MTCL1: variants seen among roughly 807,000 people sequenced by gnomAD.
The protein encoded by MTCL1 is microtubule cross-linking factor 1.
Under a neutral mutation model 141.4 loss-of-function variants are expected in MTCL1, and 79 were observed. The observed-to-expected ratio is 0.56, with a 90% CI of 0.47 to 0.67. The LOEUF (loss-of-function observed/expected upper bound fraction) is 0.67. Ranked by LOEUF, MTCL1 falls within the 30% of genes least tolerant of loss-of-function variation. The pLI is 0.00. For synonymous variants in MTCL1, 914 were observed against 875.8 expected, an observed-to-expected ratio of 1.04 and a Z score of -0.77; for missense variants, 2,177 against 2,113.9, an observed-to-expected ratio of 1.03 and a Z score of -0.59.
chr18:8,784,106 G>T, exon 6 of MTCL1: 1 of 1,613,342 alleles, frequency 6.2e-7, no homozygotes, highest in Non-Finnish European at 8.5e-7. Context: ...CGGGGGTGGG[G>T]CCCCCCTGCA....
Position 8,793,062 on chromosome 18 carries a change from T to TGCAC in MTCL1, c.1955_1956insCGCA (p.Gln652HisfsTer20). 6.2e-7 allele frequency: 1 copy of TGCAC among 1,614,166 alleles called. No homozygotes were observed. The highest frequency in any genetic ancestry group is 1.1e-5 in the South Asian group (1 of 91,076). On this transcript the variant is annotated frameshift_variant, in exon 8 of 17. Transcript: ENST00000359865. LOFTEE classifies it high-confidence loss of function. ...ATAGAGGAGCTACAGGGTCAGCTCG[T>TGCAC]GCAGGCGGCCAGACTGCATCAAGAG...
intron 4 of MTCL1, among the ~76,000 whole-genome samples, chr18:8,769,177 T>C (rs1053137455): frequency 2.6e-5 from 4 of 152,328 alleles, no homozygotes; most frequent in Admixed American, 2.0e-4. Flanking sequence ...TTTTCAACTT[T>C]TATAAATGCC....
At chr18:8,722,024 C>T (rs2096176609) in intron 4 of MTCL1, among the ~76,000 whole-genome samples, 1 of 152,146 alleles carries the variant, frequency 6.6e-6, no homozygotes, top group African/African-American at 2.4e-5. Context: ...CACAGGTAAC[C>T]CTCACCCCTT....
intron 8 of MTCL1, among the ~76,000 whole-genome samples, chr18:8,795,860 C>T (rs544863242): frequency 6.6e-6 from 1 of 152,240 alleles, no homozygotes; most frequent in East Asian, 1.9e-4. Context: ...TTTGAGTGCC[C>T]AGCTCATGTA....
At chr18:8,793,839 G>A (rs2075821056) in intron 8 of MTCL1, among the ~76,000 whole-genome samples, 1 of 152,200 alleles carries the variant, frequency 6.6e-6, no homozygotes, top group African/African-American at 2.4e-5. Context: ...GAGCACGTTG[G>A]TGTTTTAAAA....
chr18:8,770,845 T>G lies in MTCL1; in HGVS notation c.358-6988T>G, dbSNP rs149001470. Among the ~76,000 whole-genome samples, 16 of 152,302 alleles carry G rather than the reference T, an allele frequency of 1.1e-4. No homozygotes were observed. In the East Asian group the frequency reaches 3.1e-3, roughly 29 times the overall value. On this transcript the variant is annotated intron_variant, in intron 4 of 16. Transcript: ENST00000359865. ...GATCTGAGAAGTGGATTTGTTTTTT[T>G]GGGTCCTGTTGTGTAATTCCAGTGC...
At chr18:8,790,236 AAAATGGC>A in intron 7 of MTCL1, among the ~76,000 whole-genome samples, 1 of 152,366 alleles carries the variant, frequency 6.6e-6, no homozygotes, top group African/African-American at 2.4e-5. Context: ...GTTTCAGATA[AAAATGGC>A]TTCTTAACAT....
chr18:8,821,266 C>T (rs554103713), intron 13 of MTCL1, among the ~76,000 whole-genome samples: 1 of 152,198 alleles, frequency 6.6e-6, no homozygotes, highest in Admixed American at 6.5e-5. Flanking sequence ...GCTCCAGCCC[C>T]TCATCATGCT....
chr18:8,712,776 G>A (rs2096101878), upstream of MTCL1, among the ~76,000 whole-genome samples: 1 of 152,114 alleles, frequency 6.6e-6, no homozygotes, highest in Non-Finnish European at 1.5e-5. Flanking sequence ...CTTGTCTGGA[G>A]GGAAATGAGG....
chr18:8,821,266 CTCA>C (rs1414903942), intron 13 of MTCL1, among the ~76,000 whole-genome samples, 198 bp from the exon 13 acceptor site: 1 of 152,198 alleles, frequency 6.6e-6, no homozygotes, highest in Non-Finnish European at 1.5e-5. Context: ...GCTCCAGCCC[CTCA>C]TCATGCTGTG....
intron 1 of MTCL1, chr18:8,706,923 C>A: frequency 1.4e-6 from 1 of 733,212 alleles, no homozygotes; most frequent in Non-Finnish European, 2.1e-6. Context: ...CAGTTCGCAA[C>A]CCACTTCTCT....
At chr18:8,811,824 C>CA (rs1178276867) in intron 11 of MTCL1, among the ~76,000 whole-genome samples, 1 of 152,180 alleles carries the variant, frequency 6.6e-6, no homozygotes, top group Non-Finnish European at 1.5e-5. Context: ...GAAAAGTATA[C>CA]AATTTGTTAA....
chr18:8,813,592 A>G (rs543741364), intron 12 of MTCL1, among the ~76,000 whole-genome samples: 27 of 152,326 alleles, frequency 1.8e-4, no homozygotes, highest in African/African-American at 6.0e-4. Context: ...AAAACAAACT[A>G]TAACTTTTAA....
chr18:8,784,499 C>T lies in MTCL1; in HGVS notation c.1387C>T (p.Arg463Trp), dbSNP rs535267502. 97 of 1,585,248 alleles carry T rather than the reference C, an allele frequency of 6.1e-5. No individual in the cohort carries two copies. Among genetic ancestry groups the T allele is most frequent in the South Asian group, 2.0e-4 (17 of 85,978 alleles). ...AGTGACCCTAAAACACGAGGCCCAG[C>T]GGCTAGAGCGGACGGTGGAGCGCCT... The change falls in exon 6 of 17, where the codon CGG (arginine) becomes TGG (tryptophan). Residue 463 changes from arginine to tryptophan, a missense_variant. Physicochemically the swap from Arg to Trp is moderately radical, Grantham distance 101 (BLOSUM62 -3). Transcript: ENST00000359865.
intron 4 of MTCL1, among the ~76,000 whole-genome samples, chr18:8,774,178 T>A (rs1230757617): frequency 6.6e-6 from 1 of 152,144 alleles, no homozygotes; most frequent in African/African-American, 2.4e-5. Context: ...TTCGCCAACT[T>A]CTGTTCTTGA....
At chr18:8,708,427 A>C (rs970684299) in intron 1 of MTCL1, among the ~76,000 whole-genome samples, 9 of 137,728 alleles carry the variant, frequency 6.5e-5, no homozygotes, top group Non-Finnish European at 1.5e-4. Context: ...ATTTCACTGG[A>C]TCTTCCCAAC....
chr18:8,819,229 C>T (rs761819184), exon 13 of MTCL1: 15 of 1,614,066 alleles, frequency 9.3e-6, no homozygotes, highest in African/African-American at 4.0e-5. Context: ...CCCACAGGCC[C>T]GAGAGGGAGT....
At chr18:8,792,864 T>A in intron 7 of MTCL1, 134 bp from the exon 7 acceptor site, 1 of 1,271,090 alleles carries the variant, frequency 7.9e-7, no homozygotes, top group Non-Finnish European at 1.1e-6. Context: ...CCACAGTCAC[T>A]CCACTGCTGC....
intron 5 of MTCL1, among the ~76,000 whole-genome samples, chr18:8,778,917 C>T (rs1215401190): frequency 2.0e-5 from 3 of 152,218 alleles, no homozygotes; most frequent in Non-Finnish European, 4.4e-5. Flanking sequence ...GAGGGTAAAA[C>T]AGGCCAGGAA....
Sources: allele counts gnomAD v4.1 joint callset (sites outside exome capture counted in the v4.1 genomes callset), GRCh38; gene constraint gnomAD v4.1.1; transcripts MANE v1.5; gene names NCBI Gene and HGNC (gene_info 2026-07-23, HGNC 2026-07-21).